CHAF1A: variants seen among roughly 807,000 people sequenced by gnomAD.
The protein encoded by CHAF1A is chromatin assembly factor 1 subunit A.
In CHAF1A, 5 loss-of-function variants were observed where a neutral mutation model predicts 93.2. That is an observed-to-expected ratio of 0.05 (90% CI 0.03 to 0.11). CHAF1A has a LOEUF of 0.11. CHAF1A is among the 10% of genes least tolerant of loss of function. The pLI is 1.00. For missense variants in CHAF1A, 1,102 were observed against 1,259.9 expected (o/e 0.87, Z 1.90); for synonymous variants, 504 against 510.3 (o/e 0.99, Z 0.17).
rs1377530755 is a variant in CHAF1A, at chr19:4,442,908, C to T, written c.2771-17C>T. On this transcript the variant is annotated splice_polypyrimidine_tract_variant and intron_variant, in intron 14 of 14. Coordinates refer to ENST00000301280, the MANE Select transcript of CHAF1A (RefSeq NM_005483.3). ...AGGGCCCAGCCAGCTCAAGACCCTC[C>T]CTCTCTTGCCCTGCAGAGGTCCAAG... is the stretch of plus-strand genomic sequence containing the variant. The T allele has an allele frequency of 6.5e-7, 1 of 1,546,656 alleles. No individual in the cohort carries two copies. Among genetic ancestry groups the T allele is most frequent in the East Asian group, 2.3e-5 (1 of 43,498 alleles).
At chr19:4,437,233 T>G (rs867319635) in intron 13 of CHAF1A, among the ~76,000 whole-genome samples, 15 of 152,122 alleles carry the variant, frequency 9.9e-5, no homozygotes, top group South Asian at 8.3e-4. Flanking sequence ...TAAACGTCCC[T>G]GGGGAGCAGG....
Position 4,414,341 on chromosome 19 carries a change from C to T in CHAF1A, c.961-3679C>T, listed in dbSNP as rs182050408. On this transcript the variant is annotated intron_variant, in intron 3 of 14. Coordinates refer to ENST00000301280, the MANE Select transcript of CHAF1A (RefSeq NM_005483.3). ...ACTTGAGCCAAGGAGGCAGAGGTTG[C>T]GGTGAGTCATGATTGCACCACTGTG... is the stretch of plus-strand genomic sequence containing the variant. Among the ~76,000 whole-genome samples, 5 of 146,904 alleles carry T rather than the reference C, an allele frequency of 3.4e-5. 1 individual carries two copies. The South Asian group carries it at 6.4e-4, about 19-fold the overall frequency.
chr19:4,404,001 A>G (rs1478928377), intron 1 of CHAF1A, among the ~76,000 whole-genome samples: 1 of 152,094 alleles, frequency 6.6e-6, no homozygotes, highest in East Asian at 1.9e-4. Flanking sequence ...TGTATTTTTT[A>G]GTAGAGACGG....
At chr19:4,446,788 G>A (rs760964032), downstream of CHAF1A, 27 of 1,613,312 alleles carry the variant, frequency 1.7e-5, no homozygotes, top group Middle Eastern at 3.3e-4. Flanking sequence ...CTCCTGCCCC[G>A]AGGCCCCTCG....
In CHAF1A at chr19:4,422,768, G is replaced by T; in HGVS notation, c.1220G>T (p.Arg407Leu). Reference sequence around the variant, plus strand: ...GAGAAGCAGCGGCTCAAGGAGGAGCGGCGCAAGGAGAGACAGGAAGCCCTG... The same window carrying T: ...GAGAAGCAGCGGCTCAAGGAGGAGCTGCGCAAGGAGAGACAGGAAGCCCTG... Reference protein sequence around the residue: ...KAEKQRLKEERRKERQEALEA... With the variant: ...KAEKQRLKEELRKERQEALEA... Residue 407 changes from arginine to leucine, a missense_variant, in exon 5 of 15, where the codon CGG becomes CTG. Coordinates refer to ENST00000301280, the MANE Select transcript of CHAF1A (RefSeq NM_005483.3). This position sits in a 1 kb window ranked among gnomAD's most constrained non-coding sequence, Gnocchi z 4.6. 6.2e-7 allele frequency: 1 copy of T among 1,612,868 alleles called. No individual in the cohort carries two copies. Among genetic ancestry groups the T allele is most frequent in the Non-Finnish European group, 8.5e-7 (1 of 1,179,850 alleles).
intron 2 of CHAF1A, among the ~76,000 whole-genome samples, chr19:4,408,304 T>C (rs1414343995): frequency 6.6e-6 from 1 of 150,640 alleles, no homozygotes; most frequent in Non-Finnish European, 1.5e-5. Context: ...ACCATTCTCC[T>C]GCCTCAGTCT....
Position 4,409,190 on chromosome 19 carries a change from G to C in CHAF1A, c.391G>C (p.Val131Leu). 1 of 1,614,212 alleles carries C rather than the reference G, an allele frequency of 6.2e-7. No individual in the cohort carries two copies. Among genetic ancestry groups the C allele is most frequent in the Non-Finnish European group, 8.5e-7 (1 of 1,180,044 alleles). The change falls in exon 3 of 15, where the codon GTG becomes CTG. Residue 131 changes from valine to leucine, a missense_variant. Coordinates refer to ENST00000301280, the MANE Select transcript of CHAF1A (RefSeq NM_005483.3). Reference sequence around the variant, plus strand: ...CTCGAATGAGCAGCCAGACAGTCTTGTGGACCACAATAAACTAAATTCTGA... The same window carrying C: ...CTCGAATGAGCAGCCAGACAGTCTTCTGGACCACAATAAACTAAATTCTGA... ...EDSNEQPDSL[V>L]DHNKLNSEAS...
Position 4,423,787 on chromosome 19 carries a change from CCAT to C in CHAF1A, c.1309-17_1309-15del, listed in dbSNP as rs776208653. 4 of 1,612,640 alleles carry C rather than the reference CCAT, an allele frequency of 2.5e-6. No homozygotes were observed. Among genetic ancestry groups the C allele is most frequent in the East Asian group, 4.5e-5 (2 of 44,894 alleles). On this transcript the variant is annotated splice_polypyrimidine_tract_variant and intron_variant, in intron 6 of 14. Transcript: ENST00000301280. The stretch of plus-strand genomic sequence containing the variant: ...CCTCTTCCTCTCCTCTTTCTCATCA[CCAT>C]CTCTTAACATCACAGCGCATTAAAG...
At position 4,443,198 on chromosome 19, in the gene CHAF1A, C is replaced by A. The variant is rs1974429659; in HGVS notation, c.*173C>A. 6.3e-6 allele frequency: 4 copies of A among 631,916 alleles called. No homozygotes were observed. The highest frequency in any genetic ancestry group is 1.2e-5 in the Non-Finnish European group (4 of 344,618). 39.1% of individuals were successfully genotyped at this position (631,916 alleles called of 1,614,324 possible). ...GTTCCTTTGATATTTGTAAAAATTC[C>A]CCCAAGAGCCGCATATGAATCTGCC... On this transcript the variant is annotated 3_prime_UTR_variant, in exon 15 of 15. Transcript: ENST00000301280.
At position 4,422,632 on chromosome 19, in the gene CHAF1A, G is replaced by A; in HGVS notation, c.1084G>A (p.Glu362Lys). 1 of 1,597,702 alleles carries A rather than the reference G, an allele frequency of 6.3e-7. No individual in the cohort carries two copies. The highest frequency in any genetic ancestry group is 1.3e-5 in the African/African-American group (1 of 74,838). Residue 362 changes from glutamate to lysine, a missense_variant, in exon 5 of 15, where the codon GAG becomes AAG. Physicochemically the swap from Glu to Lys is moderately conservative, Grantham distance 56 (BLOSUM62 1). Transcript: ENST00000301280. The surrounding 1 kb of genome is among the most constrained non-coding windows in gnomAD (Gnocchi z 4.6). ...AEREEKEKLK[E>K]EAKRAKEEAK... The stretch of plus-strand genomic sequence containing the variant: ...AAGGGAAGAAAAGGAGAAGCTGAAA[G>A]AGGAGGCCAAGCGGGCCAAGGAGGA...
chr19:4,442,542 C>T (rs982460332), intron 14 of CHAF1A, among the ~76,000 whole-genome samples: 2 of 152,150 alleles, frequency 1.3e-5, no homozygotes, highest in African/African-American at 2.4e-5. Context: ...TCGTTCTGGC[C>T]GCAGAGCCAC....
chr19:4,415,667 G>A (rs1194764421), intron 3 of CHAF1A, among the ~76,000 whole-genome samples: 2 of 151,918 alleles, frequency 1.3e-5, no homozygotes, highest in African/African-American at 4.8e-5. Context: ...CACATTCTCA[G>A]CAAAGACTGA....
At chr19:4,441,000 A>G (rs1599666272) in intron 13 of CHAF1A, among the ~76,000 whole-genome samples, 1 of 59,498 alleles carries the variant, frequency 1.7e-5, no homozygotes, top group Non-Finnish European at 3.2e-5. Context: ...GGCACCTGTT[A>G]AAAAAAAAAA....
intron 4 of CHAF1A, among the ~76,000 whole-genome samples, chr19:4,418,898 C>G (rs1349891874): frequency 6.6e-6 from 1 of 151,668 alleles, no homozygotes; most frequent in African/African-American, 2.4e-5. Context: ...GAGTCTTGCT[C>G]TGTCACCAGA....
chr19:4,418,409 CTTTTTTTT>C (rs10549561), intron 4 of CHAF1A, among the ~76,000 whole-genome samples: 1 of 107,078 alleles, frequency 9.3e-6, no homozygotes, highest in African/African-American at 3.5e-5. Context: ...AGTCCTGTCT[CTTTTTTTT>C]TTTTTTTTTT....
downstream of CHAF1A, among the ~76,000 whole-genome samples, chr19:4,443,894 G>A (rs563206823): frequency 1.8e-4 from 27 of 152,236 alleles, no homozygotes; most frequent in Admixed American, 1.3e-3. Context: ...GGTCACGCTC[G>A]CCAGTCCTGC....
At chr19:4,437,652 G>A in intron 13 of CHAF1A, among the ~76,000 whole-genome samples, 1 of 152,168 alleles carries the variant, frequency 6.6e-6, no homozygotes, top group East Asian at 1.9e-4. Context: ...CAAGGGGAGG[G>A]ATAAGCCATT....
intron 3 of CHAF1A, among the ~76,000 whole-genome samples, chr19:4,411,542 T>C (rs865898639): frequency 3.9e-5 from 6 of 152,012 alleles, no homozygotes; most frequent in African/African-American, 9.7e-5. Context: ...GAGCATTTAT[T>C]TTTCTGAATG....
rs1390201263 is a variant in CHAF1A at position 4,433,227 on chromosome 19, C to T, written c.2361C>T (p.Ser787=). ...CCTACCTGCACACCCCCACCCCCAG[C>T]GAGGATGCCGCCATCCCCTCTAAGT... The part of the protein sequence containing the change: ...STTYLHTPTP[S]EDAAIPSKSR... The change falls in exon 13 of 15, where the codon AGC becomes AGT. Residue 787 remains serine (S), a synonymous_variant. Transcript: ENST00000301280. This position sits in a 1 kb window ranked among gnomAD's most constrained non-coding sequence, Gnocchi z 5.6. 5.0e-6 allele frequency: 8 copies of T among 1,614,046 alleles called. No individual in the cohort carries two copies. The highest frequency in any genetic ancestry group is 4.5e-5 in the East Asian group (2 of 44,896).
Sources: allele counts gnomAD v4.1 joint callset (sites outside exome capture counted in the v4.1 genomes callset), GRCh38; gene constraint gnomAD v4.1.1; non-coding constraint Gnocchi (gnomAD v3.1); transcripts MANE v1.5; gene names NCBI Gene and HGNC (gene_info 2026-07-23, HGNC 2026-07-21).